SULT1C3: variants seen among roughly 807,000 people sequenced by gnomAD.
SULT1C3 encodes sulfotransferase family 1C member 3.
Under a neutral mutation model 28.4 loss-of-function variants are expected in SULT1C3, and 31 were observed. That is an observed-to-expected ratio of 1.09 (90% CI 0.82 to 1.47). The LOEUF is 1.47. Ranked by LOEUF, SULT1C3 falls within the 40% of genes most tolerant of loss-of-function variation. The probability of loss-of-function intolerance (pLI) is 0.00; values close to 1 mark genes in which losing one functional copy is unlikely to be tolerated. For missense variants in SULT1C3, 307 were observed against 272.5 expected (o/e 1.13, Z -0.89); for synonymous variants, 106 against 92.2 (o/e 1.15, Z -0.86).
downstream of SULT1C3, among the ~76,000 whole-genome samples, chr2:108,264,469 A>T (rs1676087355): frequency 6.6e-6 from 1 of 152,126 alleles, no homozygotes; most frequent in African/African-American, 2.4e-5. Flanking sequence ...TCCTTCACAC[A>T]GCCTTTCCTG....
downstream of SULT1C3, chr2:108,264,842 T>A (rs369578470): frequency 3.7e-6 from 6 of 1,611,550 alleles, no homozygotes; most frequent in Non-Finnish European, 5.1e-6. Flanking sequence ...AGCGGGAAAT[T>A]GAGAAGATAC....
chr2:108,250,857 T>C (rs1290891657), intron 2 of SULT1C3, among the ~76,000 whole-genome samples: 1 of 152,036 alleles, frequency 6.6e-6, no homozygotes, highest in African/African-American at 2.4e-5. Flanking sequence ...GTAAAACTAA[T>C]TTGTATTGAC....
chr2:108,245,800 C>A (rs1420666202), intron 1 of SULT1C3, among the ~76,000 whole-genome samples: 3 of 152,200 alleles, frequency 2.0e-5, no homozygotes. Context: ...ATGCAAATTT[C>A]TGCAGCTGGC....
downstream of SULT1C3, among the ~76,000 whole-genome samples, chr2:108,262,652 G>A (rs1676049574): frequency 6.6e-6 from 1 of 152,188 alleles, no homozygotes; most frequent in Admixed American, 6.5e-5. Flanking sequence ...ATTTCTACAA[G>A]GAGGCTGTGA....
chr2:108,264,230 A>G (rs1158020021), downstream of SULT1C3, among the ~76,000 whole-genome samples: 1 of 152,212 alleles, frequency 6.6e-6, no homozygotes, highest in Admixed American at 6.5e-5. Flanking sequence ...CAAAACTAGC[A>G]TCTGAGATGT....
In SULT1C3 at chr2:108,252,607, G is replaced by T; in HGVS notation, c.301+114G>T. 7.2e-6 allele frequency: 9 copies of T among 1,257,638 alleles called. No individual in the cohort carries two copies. The South Asian group carries it at 1.6e-4, about 23-fold the overall frequency. 77.9% of individuals were successfully genotyped at this position (1,257,638 alleles called of 1,614,324 possible). On this transcript the variant is annotated intron_variant, in intron 3 of 7. Transcript: ENST00000681802. The stretch of plus-strand genomic sequence containing the variant: ...CAGAAGTAGCCTGTATCTTTCATGA[G>T]GTCTATTTGTTCTCAGGCCAACAAT...
downstream of SULT1C3, among the ~76,000 whole-genome samples, chr2:108,261,849 G>A (rs1265523518): frequency 3.9e-5 from 6 of 152,074 alleles, no homozygotes; most frequent in Non-Finnish European, 8.8e-5. Context: ...AAGGGGAAAT[G>A]ACATCCTATT....
chr2:108,260,647 AG>A lies in SULT1C3; in HGVS notation c.885del (p.Ser296ProfsTer3), dbSNP rs749609639. 1 of 481,506 alleles carries A rather than the reference AG, an allele frequency of 2.1e-6. No individual in the cohort carries two copies. The highest frequency in any genetic ancestry group is 5.9e-5 in the East Asian group (1 of 16,850). 29.8% of individuals were successfully genotyped at this position (481,506 alleles called of 1,614,324 possible). On this transcript the variant is annotated frameshift_variant, in exon 8 of 8. Transcript: ENST00000681802. LOFTEE classifies it low-confidence loss of function (END_TRUNC). ...FDKHYEKKMA[G>X]STLNFCLEI ...ATAAGCATTATGAAAAGAAGATGGC[AG>A]GGTCCACACTGAACTTCTGCCTGGA... is the stretch of plus-strand genomic sequence containing the variant.
At chr2:108,246,286 G>T (rs1031973613) in intron 1 of SULT1C3, among the ~76,000 whole-genome samples, 4 of 152,122 alleles carry the variant, frequency 2.6e-5, no homozygotes, top group African/African-American at 9.7e-5. Context: ...ATCTGCAGTA[G>T]CACCCCACTC....
chr2:108,250,475 T>C (rs1301687461), intron 2 of SULT1C3, among the ~76,000 whole-genome samples: 1 of 151,920 alleles, frequency 6.6e-6, no homozygotes, highest in Non-Finnish European at 1.5e-5. Flanking sequence ...CCTAACATGG[T>C]ACTAATGTTG....
In SULT1C3 at chr2:108,251,495, C is replaced by T. The variant is rs77486949; in HGVS notation, c.173-870C>T. On this transcript the variant is annotated intron_variant, in intron 2 of 7. Coordinates refer to ENST00000681802, the MANE Select transcript of SULT1C3 (RefSeq NM_001320878.2). ...TATCACTAGTAGTGAGGCAATCAGA[C>T]GTATGTACTTCTTGGCATGGTGCAA... 2.2e-3 allele frequency among the ~76,000 whole-genome samples: 333 copies of T among 152,074 alleles called. 1 individual carries two copies. The highest frequency in any genetic ancestry group is 7.4e-3 in the African/African-American group (306 of 41,534).
chr2:108,247,991 T>C (rs927695823), intron 2 of SULT1C3, among the ~76,000 whole-genome samples: 4 of 152,156 alleles, frequency 2.6e-5, no homozygotes, highest in Non-Finnish European at 5.9e-5. Flanking sequence ...CCACAGCTAT[T>C]AGGAGAATTG....
At chr2:108,263,213 C>A (rs1466128834), downstream of SULT1C3, among the ~76,000 whole-genome samples, 1 of 152,040 alleles carries the variant, frequency 6.6e-6, no homozygotes, top group Non-Finnish European at 1.5e-5. Flanking sequence ...CCCAATAAAA[C>A]TTATATAATC....
intron 1 of SULT1C3, among the ~76,000 whole-genome samples, chr2:108,244,204 C>T (rs1178805263): frequency 4.6e-5 from 7 of 152,188 alleles, no homozygotes; most frequent in African/African-American, 1.4e-4. Flanking sequence ...CCTTTACTGG[C>T]TCACACAGGG....
intron 1 of SULT1C3, among the ~76,000 whole-genome samples, chr2:108,246,588 A>G (rs1375661322): frequency 1.3e-5 from 2 of 152,208 alleles, no homozygotes; most frequent in African/African-American, 4.8e-5. Flanking sequence ...GTACATGGGT[A>G]CAAGAGAGTT....
chr2:108,262,545 T>C (rs1243728659), downstream of SULT1C3, among the ~76,000 whole-genome samples: 1 of 152,130 alleles, frequency 6.6e-6, no homozygotes, highest in Non-Finnish European at 1.5e-5. Context: ...GATCACGGGT[T>C]TTGGGCAAAG....
Position 108,252,345 on chromosome 2 carries a change from A to G in SULT1C3, c.173-20A>G, listed in dbSNP as rs546765138. 5 of 1,587,090 alleles carry G rather than the reference A, an allele frequency of 3.2e-6. No individual in the cohort carries two copies. The highest frequency in any genetic ancestry group is 1.8e-5 in the Admixed American group (1 of 54,890). On this transcript the variant is annotated intron_variant, in intron 2 of 7. Transcript: ENST00000681802. The stretch of plus-strand genomic sequence containing the variant: ...AAGTTCAATTGACTAAAATTAAAGA[A>G]CTATTTCAAATATTTTCAGGTACAA...
At position 108,258,955 on chromosome 2, in the gene SULT1C3, C is replaced by A. The variant is rs950182796; in HGVS notation, c.622-11C>A. 10 of 731,690 alleles carry A rather than the reference C, an allele frequency of 1.4e-5. No homozygotes were observed. Among genetic ancestry groups the A allele is most frequent in the Admixed American group, 1.2e-4 (5 of 42,642 alleles). The allele number at this position is 731,690 out of a possible 1,614,324, so 45.3% of individuals were successfully genotyped here. Reference sequence around the variant, plus strand: ...CTCCCTCTTCACAATGCCTTTTTCTCCCATGATCAGAATCCAAAACATGAG... The same window carrying A: ...CTCCCTCTTCACAATGCCTTTTTCTACCATGATCAGAATCCAAAACATGAG... On this transcript the variant is annotated splice_polypyrimidine_tract_variant and intron_variant, in intron 6 of 7. Coordinates refer to ENST00000681802, the MANE Select transcript of SULT1C3 (RefSeq NM_001320878.2).
At chr2:108,256,810 T>G (rs10190406) in intron 5 of SULT1C3, among the ~76,000 whole-genome samples, 16,706 of 152,058 alleles carry the variant, frequency 0.11, 1,463 homozygotes, top group African/African-American at 0.24. Flanking sequence ...TCAAGAGAGA[T>G]AACCTCATTA....
Sources: gnomAD v4.1 joint callset for allele counts (sites outside exome capture counted in the v4.1 genomes callset) on GRCh38, gnomAD v4.1.1 for gene constraint, MANE v1.5 for transcripts, NCBI Gene and HGNC (gene_info 2026-07-23, HGNC 2026-07-21) for gene names.